The following ATP11A variants were observed in gnomAD, a reference collection of about 807,000 sequenced individuals.
The protein encoded by ATP11A is phospholipid-transporting ATPase IH.
Under a neutral mutation model 154.4 loss-of-function variants are expected in ATP11A, and 81 were observed. The ratio of observed to expected loss-of-function variants is 0.52; its 90% CI spans 0.44 to 0.63. ATP11A has a LOEUF of 0.63. ATP11A is among the 30% of genes least tolerant of loss of function. ATP11A has a pLI of 0.00. For synonymous variants in ATP11A, 623 were observed against 585.9 expected, an observed-to-expected ratio of 1.06 and a Z score of -0.91; for missense variants, 1,316 against 1,474.3, an observed-to-expected ratio of 0.89 and a Z score of 1.76.
At chr13:112,740,261 C>T (rs1396375790) in intron 1 of ATP11A, among the ~76,000 whole-genome samples, 7 of 151,906 alleles carry the variant, frequency 4.6e-5, no homozygotes, top group African/African-American at 1.7e-4. Context: ...CTCATTGCAA[C>T]CTCATCCCAG....
rs1054852208 is a variant in ATP11A, at chr13:112,729,547, C to G, written c.39+39092C>G. Among the ~76,000 whole-genome samples, 11 of 151,140 alleles carry G rather than the reference C, an allele frequency of 7.3e-5. 1 individual carries two copies. The highest frequency in any genetic ancestry group is 2.0e-4 in the Admixed American group (3 of 15,228). Reference sequence around the variant, plus strand: ...CAGTCCCCACCTTGGCATTGCAGGCCCGGAGTGTCTTACTCATCCGAGTGT... The same window carrying G: ...CAGTCCCCACCTTGGCATTGCAGGCGCGGAGTGTCTTACTCATCCGAGTGT... On this transcript the variant is annotated intron_variant, in intron 1 of 29. Transcript: ENST00000375645.
chr13:112,873,470 T>G, intron 26 of ATP11A, 103 bp from the exon 27 acceptor site: 1 of 822,100 alleles, frequency 1.2e-6, no homozygotes, highest in Non-Finnish European at 1.9e-6. Flanking sequence ...GGTCTTGCGT[T>G]TGGTTTAGTT....
intron 1 of ATP11A, among the ~76,000 whole-genome samples, chr13:112,725,191 C>T (rs1314709193): frequency 2.6e-5 from 4 of 152,168 alleles, no homozygotes; most frequent in East Asian, 1.9e-4. Flanking sequence ...GACTCAGGCT[C>T]GGGCTGGGCT....
intron 1 of ATP11A, among the ~76,000 whole-genome samples, chr13:112,692,385 C>A (rs1425030187): frequency 6.6e-6 from 1 of 152,186 alleles, no homozygotes; most frequent in Non-Finnish European, 1.5e-5. Flanking sequence ...AGAATCCCCC[C>A]TTCCCAGCCG....
At chr13:112,804,834 G>C (rs1248076582) in intron 2 of ATP11A, 123 bp from the exon 3 acceptor site, 2 of 550,768 alleles carry the variant, frequency 3.6e-6, no homozygotes, top group East Asian at 6.3e-5. Flanking sequence ...TGAATTATGA[G>C]TTTTATATCT....
At chr13:112,723,636 C>A (rs1436539225) in intron 1 of ATP11A, among the ~76,000 whole-genome samples, 2 of 151,842 alleles carry the variant, frequency 1.3e-5, no homozygotes, top group African/African-American at 4.8e-5. Flanking sequence ...TGTGTCTAAA[C>A]CCCAAAAGGG....
At chr13:112,829,854 A>T (rs575277787) in intron 12 of ATP11A, among the ~76,000 whole-genome samples, 28 of 152,372 alleles carry the variant, frequency 1.8e-4, no homozygotes, top group Admixed American at 3.9e-4. Flanking sequence ...GCAGGATACA[A>T]AATCAACACC....
At position 112,881,979 on chromosome 13, in the gene ATP11A, C is replaced by T. The variant is rs1293403349; in HGVS notation, c.*113C>T. 5.1e-6 allele frequency: 7 copies of T among 1,367,852 alleles called. No homozygotes were observed. The highest frequency in any genetic ancestry group is 6.8e-6 in the Non-Finnish European group (7 of 1,021,998). 84.7% of individuals were successfully genotyped at this position (1,367,852 alleles called of 1,614,324 possible). On this transcript the variant is annotated 3_prime_UTR_variant, in exon 30 of 30. Coordinates refer to ENST00000375645, the MANE Select transcript of ATP11A (RefSeq NM_015205.3). ...AAGGAGAAGGTGTCCACGGAGCCCC[C>T]ACCCATCCTCGGCGGTTCCCATCAC... is the stretch of plus-strand genomic sequence containing the variant.
chr13:112,762,393 A>G (rs2076983082), intron 1 of ATP11A, among the ~76,000 whole-genome samples: 1 of 152,186 alleles, frequency 6.6e-6, no homozygotes, highest in African/African-American at 2.4e-5. Context: ...GCTGTTGGAA[A>G]GACAGCAGCA....
At chr13:112,827,010 A>T in intron 12 of ATP11A, 119 bp downstream of exon 12, 1 of 988,748 alleles carries the variant, frequency 1.0e-6, no homozygotes, top group South Asian at 1.5e-5. Flanking sequence ...GGCGTAAGAC[A>T]GCAGCAGGGT....
intron 14 of ATP11A, among the ~76,000 whole-genome samples, chr13:112,834,037 G>A (rs768658095): frequency 3.0e-4 from 45 of 152,198 alleles, no homozygotes; most frequent in Non-Finnish European, 5.3e-4. Context: ...TGTCTCTGCC[G>A]TCCCAGTGGC....
At position 112,697,091 on chromosome 13, in the gene ATP11A, GTCCAGC is replaced by G. The variant is rs1386394770; in HGVS notation, c.39+6637_39+6642del. On this transcript the variant is annotated intron_variant, in intron 1 of 29. Transcript: ENST00000375645. The surrounding 1 kb of genome is among the most constrained non-coding windows in gnomAD (Gnocchi z 4.0). ...GGCCTGGCCAGGTGGGTGCCTGCGT[GTCCAGC>G]CTGAGGGGCGGCCCACGCAGCAGCC... Among the ~76,000 whole-genome samples the G allele has an allele frequency of 6.6e-6, 1 of 152,186 alleles. No homozygotes were observed. Among genetic ancestry groups the G allele is most frequent in the African/African-American group, 2.4e-5 (1 of 41,462 alleles).
chr13:112,812,211 C>G (rs936259968), intron 5 of ATP11A: 1 of 152,210 alleles, frequency 6.6e-6, no homozygotes, highest in African/African-American at 2.4e-5. Context: ...TAGGTAGAAA[C>G]CATGAGTGTG....
At chr13:112,766,659 C>T (rs1367444655) in intron 1 of ATP11A, among the ~76,000 whole-genome samples, 1 of 152,088 alleles carries the variant, frequency 6.6e-6, no homozygotes, top group Non-Finnish European at 1.5e-5. Flanking sequence ...GGCTTCTGCC[C>T]ACCCCCCAGG....
In ATP11A at chr13:112,859,624, G is replaced by A. The variant is rs948686569; in HGVS notation, c.2727+172G>A. Among the ~76,000 whole-genome samples, 2 of 152,112 alleles carry A rather than the reference G, an allele frequency of 1.3e-5. No homozygotes were observed. ...TGAAGGGTCGGGCCTGGGGAGGGGG[G>A]CCACGGAGCTGAGGAGTTGCCGTCC... is the stretch of plus-strand genomic sequence containing the variant. On this transcript the variant is annotated intron_variant, in intron 23 of 29. Transcript: ENST00000375645. The surrounding 1 kb of genome is among the most constrained non-coding windows in gnomAD (Gnocchi z 4.3).
chr13:112,844,599 T>C (rs1454550173), intron 17 of ATP11A, among the ~76,000 whole-genome samples: 1 of 152,240 alleles, frequency 6.6e-6, no homozygotes, highest in Non-Finnish European at 1.5e-5. Context: ...GCGGCTGTTG[T>C]ATCCGGCGTC....
At chr13:112,802,460 A>C (rs2140121806) in intron 2 of ATP11A, among the ~76,000 whole-genome samples, 1 of 152,026 alleles carries the variant, frequency 6.6e-6, no homozygotes, top group African/African-American at 2.4e-5. Flanking sequence ...CCAGATAGTC[A>C]ACCCATCTTT....
At chr13:112,737,507 G>A (rs1486920924) in intron 1 of ATP11A, among the ~76,000 whole-genome samples, 4 of 152,328 alleles carry the variant, frequency 2.6e-5, no homozygotes, top group East Asian at 1.9e-4. Context: ...CTGAGCTGCC[G>A]TGGTCATAAA....
chr13:112,823,273 T>C (rs2078847221), intron 8 of ATP11A, 72 bp from the exon 9 acceptor site: 2 of 1,154,498 alleles, frequency 1.7e-6, no homozygotes, highest in Non-Finnish European at 2.6e-6. Flanking sequence ...GGGTTTCACG[T>C]CTGCCTCTTG....
Sources: gnomAD v4.1 joint callset for allele counts (sites outside exome capture counted in the v4.1 genomes callset) on GRCh38, gnomAD v4.1.1 for gene constraint, Gnocchi (gnomAD v3.1) non-coding constraint, MANE v1.5 for transcripts, NCBI Gene and HGNC (gene_info 2026-07-23, HGNC 2026-07-21) for gene names.